The following RIMS1 variants were observed in gnomAD, a reference collection of about 807,000 sequenced individuals.
The protein encoded by RIMS1 is regulating synaptic membrane exocytosis protein 1.
RIMS1 carries 83 observed loss-of-function variants against 214.1 expected under a neutral mutation model. That is an observed-to-expected ratio of 0.39 (90% CI 0.32 to 0.47). RIMS1 has a LOEUF of 0.47. Among genes scored for constraint, RIMS1 ranks in the 20% least tolerant of loss-of-function variants. The probability of loss-of-function intolerance (pLI) is 0.99; values close to 1 mark genes in which losing one functional copy is unlikely to be tolerated. For missense variants in RIMS1, 2,050 were observed against 2,161.8 expected (o/e 0.95, Z 1.03); for synonymous variants, 793 against 786.8 (o/e 1.01, Z -0.13).
intron 4 of RIMS1, among the ~76,000 whole-genome samples, chr6:72,151,778 T>C (rs2043627504): frequency 6.6e-6 from 1 of 152,204 alleles, no homozygotes; most frequent in Non-Finnish European, 1.5e-5. Context: ...TTAGTTTTTG[T>C]GTTGCTATAA....
At chr6:72,218,850 C>T (rs1437176209) in intron 6 of RIMS1, among the ~76,000 whole-genome samples, 1 of 152,166 alleles carries the variant, frequency 6.6e-6, no homozygotes, top group Non-Finnish European at 1.5e-5. Context: ...TTTATGAGGG[C>T]AATAACTTTA....
Position 72,233,857 on chromosome 6 carries a change from G to A in RIMS1, c.1746+17G>A. On this transcript the variant is annotated intron_variant, in intron 7 of 33. Coordinates refer to ENST00000521978, the MANE Select transcript of RIMS1 (RefSeq NM_014989.7). The stretch of plus-strand genomic sequence containing the variant: ...ATTAGTTCGGTAAGTTTTCTGGAAA[G>A]TGTGTTTGGAGTTTAGGGAATATGT... 3 of 1,549,722 alleles carry A rather than the reference G, an allele frequency of 1.9e-6. No individual in the cohort carries two copies. Among genetic ancestry groups the A allele is most frequent in the Non-Finnish European group, 2.6e-6 (3 of 1,138,976 alleles).
At chr6:72,168,974 C>T (rs990884930) in intron 4 of RIMS1, among the ~76,000 whole-genome samples, 1 of 152,182 alleles carries the variant, frequency 6.6e-6, no homozygotes, top group Non-Finnish European at 1.5e-5. Context: ...TTAACTAAAA[C>T]AAGAAGTACT....
chr6:72,272,972 A>C (rs537960150), intron 22 of RIMS1, among the ~76,000 whole-genome samples: 3 of 152,180 alleles, frequency 2.0e-5, no homozygotes, highest in Admixed American at 1.3e-4. Flanking sequence ...AAGTTAATGC[A>C]AAATGTTATT....
intron 4 of RIMS1, among the ~76,000 whole-genome samples, chr6:72,134,369 C>T (rs954827934): frequency 6.6e-6 from 1 of 151,846 alleles, no homozygotes; most frequent in African/African-American, 2.4e-5. Context: ...TTACACACAG[C>T]TTTATATCTT....
intron 2 of RIMS1, among the ~76,000 whole-genome samples, chr6:72,073,833 C>G (rs1046706077): frequency 1.3e-5 from 2 of 152,206 alleles, no homozygotes; most frequent in African/African-American, 4.8e-5. Context: ...ATGAATATCA[C>G]TATAGCTAGG....
chr6:71,890,029 C>T (rs900608415), intron 1 of RIMS1, among the ~76,000 whole-genome samples: 20 of 151,884 alleles, frequency 1.3e-4, no homozygotes, highest in Non-Finnish European at 2.2e-4. Flanking sequence ...TAAAAATAGG[C>T]GCAGAGAGAA....
At chr6:72,224,142 G>A (rs1330048185) in intron 6 of RIMS1, among the ~76,000 whole-genome samples, 1 of 152,170 alleles carries the variant, frequency 6.6e-6, no homozygotes, top group African/African-American at 2.4e-5. Context: ...ATAAAGGACA[G>A]TACAATGAAA....
chr6:72,346,745 A>G (rs2097278528), intron 29 of RIMS1, among the ~76,000 whole-genome samples: 1 of 151,790 alleles, frequency 6.6e-6, no homozygotes, highest in African/African-American at 2.4e-5. Context: ...ATATTTTGTG[A>G]TATGTGAAAA....
At chr6:72,358,173 A>C (rs2097706986) in intron 29 of RIMS1, among the ~76,000 whole-genome samples, 1 of 152,174 alleles carries the variant, frequency 6.6e-6, no homozygotes, top group South Asian at 2.1e-4. Context: ...AGAAAGAAAA[A>C]AAAAAGGTGC....
chr6:72,295,021 A>ATAACTTAAT, intron 26 of RIMS1, among the ~76,000 whole-genome samples: 1 of 151,918 alleles, frequency 6.6e-6, no homozygotes, highest in Non-Finnish European at 1.5e-5. Context: ...AAGGCTGAAG[A>ATAACTTAAT]TAACTTAATT....
chr6:72,039,675 T>C (rs1820880082), intron 2 of RIMS1, among the ~76,000 whole-genome samples: 1 of 152,088 alleles, frequency 6.6e-6, no homozygotes, highest in Non-Finnish European at 1.5e-5. Context: ...TTGTATCGGA[T>C]ATTCTATCTG....
At position 71,893,674 on chromosome 6, in the gene RIMS1, A is replaced by G. The variant is rs1032790062; in HGVS notation, c.164+6487A>G. Among the ~76,000 whole-genome samples, 3 of 152,138 alleles carry G rather than the reference A, an allele frequency of 2.0e-5. No homozygotes were observed. The East Asian group carries it at 5.8e-4, about 29-fold the overall frequency. ...TTATTGGATGCCTTAGGTTTTCTGT[A>G]TTTATATTCTCACATTCTTACATCG... On this transcript the variant is annotated intron_variant, in intron 1 of 33. Transcript: ENST00000521978.
In RIMS1 at chr6:71,890,360, A is replaced by C. The variant is rs1769255584; in HGVS notation, c.164+3173A>C. Among the ~76,000 whole-genome samples, 3 of 81,688 alleles carry C rather than the reference A, an allele frequency of 3.7e-5. No homozygotes were observed. The South Asian group carries it at 1.1e-3, about 30-fold the overall frequency. 53.6% of individuals were successfully genotyped at this position (81,688 alleles called of 152,430 possible). A position where few individuals can be genotyped will look rare whatever the true frequency, so the allele number is the denominator to read the frequency against. ...TAATGATTGACTTAATTATCTGCAA[A>C]TTAGAGGTCTTTTCTTAATCTTAAT... On this transcript the variant is annotated intron_variant, in intron 1 of 33. Transcript: ENST00000521978.
intron 29 of RIMS1, among the ~76,000 whole-genome samples, chr6:72,372,514 T>C (rs2098249588): frequency 6.6e-6 from 1 of 151,944 alleles, no homozygotes; most frequent in South Asian, 2.1e-4. Flanking sequence ...CTGCTTATTT[T>C]CTTTCCAAAA....
chr6:72,083,107 A>C (rs1299463424), intron 2 of RIMS1, among the ~76,000 whole-genome samples: 1 of 152,194 alleles, frequency 6.6e-6, no homozygotes, highest in East Asian at 1.9e-4. Flanking sequence ...TGGTTAACTC[A>C]CTAATAAGAA....
intron 2 of RIMS1, among the ~76,000 whole-genome samples, chr6:72,027,827 A>C (rs1470122008): frequency 6.6e-6 from 1 of 152,156 alleles, no homozygotes; most frequent in Non-Finnish European, 1.5e-5. Context: ...TATACATTGC[A>C]TGATTTAGAT....
chr6:72,272,406 CGTT>C (rs1482204283), intron 22 of RIMS1, among the ~76,000 whole-genome samples: 1 of 152,040 alleles, frequency 6.6e-6, no homozygotes, highest in East Asian at 1.9e-4. Context: ...ATCCTGCTCT[CGTT>C]GTATCCACTG....
chr6:72,353,868 A>G (rs1048395434), intron 29 of RIMS1, among the ~76,000 whole-genome samples: 2 of 152,176 alleles, frequency 1.3e-5, no homozygotes, highest in African/African-American at 4.8e-5. Flanking sequence ...TCCTGTATAC[A>G]GTAAGGAAAT....
Sources: allele counts gnomAD v4.1 joint callset (sites outside exome capture counted in the v4.1 genomes callset), GRCh38; gene constraint gnomAD v4.1.1; transcripts MANE v1.5; gene names NCBI Gene and HGNC (gene_info 2026-07-23, HGNC 2026-07-21).